The following LSAMP variants were observed in gnomAD, a reference collection of about 807,000 sequenced individuals.
LSAMP encodes the protein limbic system associated membrane protein.
Under a neutral mutation model 38.6 loss-of-function variants are expected in LSAMP, and 7 were observed. The ratio of observed to expected loss-of-function variants is 0.18; its 90% CI spans 0.10 to 0.34. The LOEUF is 0.34. Among genes scored for constraint, LSAMP ranks in the 10% least tolerant of loss-of-function variants. The pLI, the probability that LSAMP is intolerant of heterozygous loss-of-function variation, is 1.00. For missense variants in LSAMP, 313 were observed against 420.0 expected (o/e 0.75, Z 2.23); for synonymous variants, 154 against 166.8 (o/e 0.92, Z 0.59).
At chr3:115,847,514 C>A (rs2107514552) in intron 4 of LSAMP, among the ~76,000 whole-genome samples, 1 of 152,240 alleles carries the variant, frequency 6.6e-6, no homozygotes, top group East Asian at 1.9e-4. Flanking sequence ...GGCTGTGTTC[C>A]CACCCAAAAT....
intron 1 of LSAMP, among the ~76,000 whole-genome samples, chr3:116,398,581 G>C (rs1373075900): frequency 6.6e-6 from 1 of 152,130 alleles, no homozygotes; most frequent in Non-Finnish European, 1.5e-5. Flanking sequence ...TAGACTACAT[G>C]GGAAAATCAC....
chr3:115,987,117 C>A (rs1025826005), intron 3 of LSAMP, among the ~76,000 whole-genome samples: 2 of 152,118 alleles, frequency 1.3e-5, no homozygotes, highest in Non-Finnish European at 2.9e-5. Flanking sequence ...CTCTGGAGGT[C>A]AGAGCGCTGA....
chr3:116,217,059 T>C (rs2046228527), intron 1 of LSAMP, among the ~76,000 whole-genome samples: 1 of 152,182 alleles, frequency 6.6e-6, no homozygotes, highest in Non-Finnish European at 1.5e-5. Flanking sequence ...TTCAAATGAA[T>C]TTCTGGCACA....
intron 1 of LSAMP, among the ~76,000 whole-genome samples, chr3:116,142,728 G>A (rs1012839987): frequency 6.6e-6 from 1 of 151,846 alleles, no homozygotes; most frequent in African/African-American, 2.4e-5. Flanking sequence ...ATTCCAATTT[G>A]ACTATGGCCT....
At chr3:116,084,610 A>G (rs1354197581) in intron 2 of LSAMP, among the ~76,000 whole-genome samples, 1 of 152,184 alleles carries the variant, frequency 6.6e-6, no homozygotes, top group Admixed American at 6.5e-5. Flanking sequence ...TTGCTCATCT[A>G]GAAACCAAGG....
intron 1 of LSAMP, among the ~76,000 whole-genome samples, chr3:116,399,864 A>G (rs1203711457): frequency 6.6e-6 from 1 of 152,230 alleles, no homozygotes; most frequent in African/African-American, 2.4e-5. Flanking sequence ...TCACTTATGT[A>G]GAAAGCATTT....
intron 6 of LSAMP, among the ~76,000 whole-genome samples, chr3:115,826,013 G>A (rs891727285): frequency 1.4e-4 from 22 of 152,234 alleles, no homozygotes; most frequent in African/African-American, 5.1e-4. Flanking sequence ...CTTTATAGTG[G>A]ATCCCTGTGA....
chr3:116,176,238 G>A (rs1710334954), intron 1 of LSAMP, among the ~76,000 whole-genome samples: 1 of 151,994 alleles, frequency 6.6e-6, no homozygotes, highest in Non-Finnish European at 1.5e-5. Flanking sequence ...AGAAAATGGA[G>A]GATTTCATGA....
At chr3:116,355,400 A>G (rs1450873841) in intron 1 of LSAMP, among the ~76,000 whole-genome samples, 1 of 152,226 alleles carries the variant, frequency 6.6e-6, no homozygotes, top group African/African-American at 2.4e-5. Flanking sequence ...GAAGAATGAG[A>G]CTTGACACCT....
intron 1 of LSAMP, among the ~76,000 whole-genome samples, chr3:116,395,502 G>A (rs1408669051): frequency 6.6e-6 from 1 of 152,220 alleles, no homozygotes; most frequent in African/African-American, 2.4e-5. Flanking sequence ...AAGTCCGGCT[G>A]TCTGGGTGCA....
In LSAMP at chr3:115,802,655, A is replaced by G. The variant is rs1352712212; in HGVS notation, c.*7662T>C. 1 of 151,878 alleles carries G rather than the reference A, an allele frequency of 6.6e-6. No homozygotes were observed. Among genetic ancestry groups the G allele is most frequent in the African/African-American group, 2.4e-5 (1 of 41,374 alleles). 9.4% of individuals were successfully genotyped at this position (151,878 alleles called of 1,614,324 possible). On this transcript the variant is annotated 3_prime_UTR_variant, in exon 7 of 7. Coordinates refer to ENST00000490035, the MANE Select transcript of LSAMP (RefSeq NM_002338.5). ...AAAAAATCCCAAACAAAAAATGGCC[A>G]TGTGTTTGTATCTTCAAGGGAAGAT...
At chr3:115,883,778 A>G (rs1009440650) in intron 3 of LSAMP, among the ~76,000 whole-genome samples, 6 of 152,066 alleles carry the variant, frequency 3.9e-5, no homozygotes, top group African/African-American at 1.4e-4. Context: ...GAAAAAATGG[A>G]ACCTTACAAA....
At chr3:116,392,384 G>A (rs1438549512) in intron 1 of LSAMP, among the ~76,000 whole-genome samples, 1 of 152,180 alleles carries the variant, frequency 6.6e-6, no homozygotes, top group African/African-American at 2.4e-5. Context: ...TCCAATCTCA[G>A]AGTAAAGTCA....
At position 115,834,453 on chromosome 3, in the gene LSAMP, T is replaced by C. The variant is rs182432864; in HGVS notation, c.919+7392A>G. 6.9e-4 allele frequency: 576 copies of C among 833,790 alleles called. 5 individuals are homozygous for C. In the African/African-American group the frequency reaches 9.7e-3, roughly 14 times the overall value. The allele number at this position is 833,790 out of a possible 1,614,324, so 51.6% of individuals were successfully genotyped here. A position where few individuals can be genotyped will look rare whatever the true frequency, so the allele number is the denominator to read the frequency against. On this transcript the variant is annotated intron_variant, in intron 6 of 6. Coordinates refer to ENST00000490035, the MANE Select transcript of LSAMP (RefSeq NM_002338.5). The stretch of plus-strand genomic sequence containing the variant: ...GTTTAAGGGAAAAAAATGATTTATA[T>C]TGTATGTGAATTTTTTGAATGTGTT...
chr3:116,259,695 G>A lies in LSAMP; in HGVS notation c.156-173139C>T, dbSNP rs140186181. ...GGTGGTGTTGGTATGCAATCATTTCGTAAAGTTGCTTGCAAAAATATGTTT... is the reference window on the plus strand; with the variant it reads ...GGTGGTGTTGGTATGCAATCATTTCATAAAGTTGCTTGCAAAAATATGTTT... On this transcript the variant is annotated intron_variant, in intron 1 of 6. Transcript: ENST00000490035. Among the ~76,000 whole-genome samples, 24 of 152,106 alleles carry A rather than the reference G, an allele frequency of 1.6e-4. 1 individual carries two copies. The highest frequency in any genetic ancestry group is 5.1e-4 in the African/African-American group (21 of 41,512).
chr3:116,426,312 C>G lies in LSAMP; in HGVS notation c.155+18565G>C, dbSNP rs143781539. Among the ~76,000 whole-genome samples, 57 of 152,058 alleles carry G rather than the reference C, an allele frequency of 3.7e-4. No homozygotes were observed. The Middle Eastern group carries it at 0.01, about 27-fold the overall frequency. On this transcript the variant is annotated intron_variant, in intron 1 of 6. Coordinates refer to ENST00000490035, the MANE Select transcript of LSAMP (RefSeq NM_002338.5). ...GACCAGTCTGGCCAATATGGTGAAA[C>G]CCCATCTCTACTAAAAATACAAAAA...
intron 1 of LSAMP, among the ~76,000 whole-genome samples, chr3:116,106,164 T>C (rs1383592902): frequency 6.6e-6 from 1 of 152,188 alleles, no homozygotes; most frequent in Non-Finnish European, 1.5e-5. Flanking sequence ...CTAAGGAGAT[T>C]CAGCATAGTC....
At chr3:116,086,916 T>C (rs72959750) in intron 1 of LSAMP, among the ~76,000 whole-genome samples, 16,900 of 152,136 alleles carry the variant, frequency 0.11, 3,015 homozygotes, top group African/African-American at 0.38. Context: ...ATTGATATCA[T>C]AGCACTTTTA....
intron 3 of LSAMP, among the ~76,000 whole-genome samples, chr3:116,010,368 A>G (rs1940290393): frequency 6.6e-6 from 1 of 152,260 alleles, no homozygotes; most frequent in Non-Finnish European, 1.5e-5. Flanking sequence ...CCCTGGAATA[A>G]CTAATTCATT....
Sources: allele counts gnomAD v4.1 joint callset (sites outside exome capture counted in the v4.1 genomes callset), GRCh38; gene constraint gnomAD v4.1.1; transcripts MANE v1.5; gene names NCBI Gene and HGNC (gene_info 2026-07-23, HGNC 2026-07-21).